Variants in CNTN4 observed in about 807,000 individuals in gnomAD.
CNTN4 encodes the protein contactin 4.
In CNTN4, 77 loss-of-function variants were observed where a neutral mutation model predicts 122.5. That is an observed-to-expected ratio of 0.63 (90% CI 0.52 to 0.76). The LOEUF is 0.76. CNTN4 is among the 30% of genes least tolerant of loss of function. The pLI is 0.00. For synonymous variants in CNTN4, 512 were observed against 447.0 expected (o/e 1.15, Z -1.83); for missense variants, 1,256 against 1,259.1 (o/e 1.00, Z 0.04).
At chr3:2,587,783 C>T (rs1022291152) in intron 4 of CNTN4, among the ~76,000 whole-genome samples, 2 of 151,822 alleles carry the variant, frequency 1.3e-5, no homozygotes, top group Non-Finnish European at 2.9e-5. Flanking sequence ...AATTTTTTTT[C>T]AGTTATTAGA....
At chr3:2,210,899 T>C (rs1434767081) in intron 2 of CNTN4, among the ~76,000 whole-genome samples, 1 of 152,246 alleles carries the variant, frequency 6.6e-6, no homozygotes, top group East Asian at 1.9e-4. Context: ...TTTCAACTAA[T>C]GTTTGTCAAA....
intron 10 of CNTN4, among the ~76,000 whole-genome samples, chr3:2,889,776 A>G (rs764374735): frequency 1.3e-5 from 2 of 152,154 alleles, no homozygotes; most frequent in African/African-American, 2.4e-5. Context: ...TGCTCTCAGT[A>G]TGTTAAACTG....
At chr3:2,232,134 ACAT>A (rs1361767240) in intron 2 of CNTN4, among the ~76,000 whole-genome samples, 1 of 152,152 alleles carries the variant, frequency 6.6e-6, no homozygotes, top group East Asian at 1.9e-4. Context: ...TGACTTGATC[ACAT>A]CATCATCGTC....
chr3:3,017,728 C>T (rs1269984813), intron 14 of CNTN4, among the ~76,000 whole-genome samples: 3 of 152,160 alleles, frequency 2.0e-5, no homozygotes, highest in African/African-American at 7.2e-5. Context: ...CCTTTACAGC[C>T]ACACAACAGG....
intron 13 of CNTN4, among the ~76,000 whole-genome samples, chr3:2,973,189 A>C (rs746027882): frequency 6.6e-6 from 1 of 152,084 alleles, no homozygotes; most frequent in Non-Finnish European, 1.5e-5. Context: ...ATTATTTAGA[A>C]ACGAGAGGAG....
At chr3:2,247,097 C>T (rs1042486666) in intron 2 of CNTN4, among the ~76,000 whole-genome samples, 6 of 151,876 alleles carry the variant, frequency 4.0e-5, no homozygotes, top group Non-Finnish European at 1.5e-5. Context: ...TACACAGGTG[C>T]CTTTTCTTTC....
intron 4 of CNTN4, among the ~76,000 whole-genome samples, chr3:2,655,892 C>A (rs375667262): frequency 6.6e-6 from 1 of 151,960 alleles, no homozygotes; most frequent in Admixed American, 6.6e-5. Context: ...ATCTGAATGC[C>A]CATCACATGG....
chr3:2,602,192 A>T (rs555904304), intron 4 of CNTN4, among the ~76,000 whole-genome samples: 1 of 152,312 alleles, frequency 6.6e-6, no homozygotes, highest in East Asian at 1.9e-4. Context: ...CAAGACAGGG[A>T]TGCCCTCTCT....
intron 2 of CNTN4, among the ~76,000 whole-genome samples, chr3:2,169,770 CTG>C (rs1174865803): frequency 2.6e-5 from 4 of 152,142 alleles, no homozygotes; most frequent in South Asian, 4.1e-4. Context: ...AACAGTAAAA[CTG>C]TTTCTGTTTT....
At chr3:2,889,839 A>G (rs2151034742) in intron 10 of CNTN4, among the ~76,000 whole-genome samples, 1 of 152,292 alleles carries the variant, frequency 6.6e-6, no homozygotes, top group African/African-American at 2.4e-5. Flanking sequence ...TGTGGGTTAG[A>G]GGTTTCCTGC....
intron 4 of CNTN4, among the ~76,000 whole-genome samples, chr3:2,579,611 G>A (rs1225256779): frequency 6.6e-6 from 1 of 152,038 alleles, no homozygotes; most frequent in Non-Finnish European, 1.5e-5. Context: ...TTGAGAACGT[G>A]CATATATTCT....
At chr3:2,795,239 C>A (rs899304460) in intron 6 of CNTN4, among the ~76,000 whole-genome samples, 1 of 152,094 alleles carries the variant, frequency 6.6e-6, no homozygotes, top group African/African-American at 2.4e-5. Flanking sequence ...CTAAATTAGG[C>A]AGATTAAATA....
chr3:2,149,066 A>C (rs2035381307), intron 2 of CNTN4, among the ~76,000 whole-genome samples: 1 of 152,004 alleles, frequency 6.6e-6, no homozygotes, highest in South Asian at 2.1e-4. Flanking sequence ...CGAGTTTTAT[A>C]TATTTTGTTG....
chr3:2,885,055 G>A (rs765643164), intron 9 of CNTN4, among the ~76,000 whole-genome samples: 3 of 152,116 alleles, frequency 2.0e-5, no homozygotes, highest in Non-Finnish European at 1.5e-5. Context: ...TCTGTCTAAC[G>A]AACTTAAATT....
At chr3:3,039,544 A>G (rs1699949581) in intron 19 of CNTN4, 1 of 182,902 alleles carries the variant, frequency 5.5e-6, no homozygotes, top group African/African-American at 2.4e-5. Context: ...AGCCCCAGAA[A>G]TTAAAATCTC....
chr3:3,033,257 C>G (rs1699329958), intron 16 of CNTN4, among the ~76,000 whole-genome samples: 1 of 152,180 alleles, frequency 6.6e-6, no homozygotes, highest in Non-Finnish European at 1.5e-5. Flanking sequence ...TCAGCTCTAT[C>G]TAGGTGACAT....
intron 3 of CNTN4, among the ~76,000 whole-genome samples, chr3:2,474,798 A>T (rs1220017050): frequency 5.3e-5 from 8 of 152,174 alleles, no homozygotes; most frequent in Admixed American, 2.0e-4. Flanking sequence ...ACTTGAATCC[A>T]TATCTCAGGT....
chr3:2,268,256 C>T (rs939995668), intron 2 of CNTN4, among the ~76,000 whole-genome samples: 2 of 152,012 alleles, frequency 1.3e-5, no homozygotes, highest in Non-Finnish European at 2.9e-5. Flanking sequence ...TTTCCATTCT[C>T]ATGCTTTGAC....
intron 13 of CNTN4, among the ~76,000 whole-genome samples, chr3:2,956,072 A>G (rs1456857657): frequency 1.3e-5 from 2 of 152,196 alleles, no homozygotes; most frequent in African/African-American, 4.8e-5. Flanking sequence ...TAAATAAACA[A>G]ACTGGGGTAT....
Sources: allele counts gnomAD v4.1 joint callset (sites outside exome capture counted in the v4.1 genomes callset), GRCh38; gene constraint gnomAD v4.1.1; transcripts MANE v1.5; gene names NCBI Gene and HGNC (gene_info 2026-07-23, HGNC 2026-07-21).